CELF2: variants seen among roughly 807,000 people sequenced by gnomAD.
CELF2 encodes CUGBP Elav-like family member 2.
Under a neutral mutation model 62.6 loss-of-function variants are expected in CELF2, and 8 were observed. The ratio of observed to expected loss-of-function variants is 0.13; its 90% CI spans 0.07 to 0.23. The LOEUF (loss-of-function observed/expected upper bound fraction) is 0.23. Ranked by LOEUF, CELF2 falls within the 10% of genes least tolerant of loss-of-function variation. The probability of loss-of-function intolerance (pLI) is 1.00; values close to 1 mark genes in which losing one functional copy is unlikely to be tolerated. For missense variants in CELF2, 333 were observed against 671.0 expected (o/e 0.50, Z 5.56); for synonymous variants, 258 against 250.0 (o/e 1.03, Z -0.30).
the CELF2 span, chr10:10,788,844 G>C: frequency 6.6e-6 from 1 of 152,090 alleles, no homozygotes; most frequent in Non-Finnish European, 1.5e-5. Flanking sequence ...ATGCGTTTTT[G>C]TCTGGGCTGC....
chr10:10,552,190 G>A, the CELF2 span, among the ~76,000 whole-genome samples: 2 of 152,154 alleles, frequency 1.3e-5, no homozygotes, highest in Non-Finnish European at 2.9e-5. Flanking sequence ...TCTCCACACT[G>A]TAAAATAATG....
chr10:11,175,395 G>A (rs1175101470), intron 2 of CELF2, among the ~76,000 whole-genome samples: 2 of 152,182 alleles, frequency 1.3e-5, no homozygotes, highest in African/African-American at 4.8e-5. Flanking sequence ...AAAAAAGAGA[G>A]AATATGATTG....
At chr10:11,176,415 CT>C (rs1436862085) in intron 2 of CELF2, among the ~76,000 whole-genome samples, 1 of 152,166 alleles carries the variant, frequency 6.6e-6, no homozygotes, top group Non-Finnish European at 1.5e-5. Context: ...CTGCCAGCCC[CT>C]ACCTGATGGA....
At chr10:10,691,456 A>T in the CELF2 span, among the ~76,000 whole-genome samples, 4 of 145,772 alleles carry the variant, frequency 2.7e-5, no homozygotes, top group Non-Finnish European at 4.5e-5. Flanking sequence ...GAATAATGCC[A>T]CAATAAACAT....
chr10:11,253,954 A>C (rs533921259), intron 4 of CELF2, among the ~76,000 whole-genome samples: 1 of 152,310 alleles, frequency 6.6e-6, no homozygotes, highest in South Asian at 2.1e-4. Flanking sequence ...AATTCCTTAA[A>C]GCACCTAGCA....
chr10:11,111,833 TAGAA>T (rs1271952533), intron 1 of CELF2, among the ~76,000 whole-genome samples: 3 of 152,256 alleles, frequency 2.0e-5, no homozygotes. Context: ...TAATACGTCT[TAGAA>T]AGAGATTTCT....
chr10:10,551,881 T>C, the CELF2 span, among the ~76,000 whole-genome samples: 2 of 152,172 alleles, frequency 1.3e-5, no homozygotes, highest in Non-Finnish European at 2.9e-5. Context: ...GCATCTGAAC[T>C]CTTGATAAAC....
the CELF2 span, among the ~76,000 whole-genome samples, chr10:10,641,094 C>T: frequency 2.0e-5 from 3 of 152,120 alleles, no homozygotes; most frequent in Admixed American, 1.3e-4. Context: ...ACTTACTGAC[C>T]GTTCTGGATA....
the CELF2 span, among the ~76,000 whole-genome samples, chr10:10,581,987 C>T: frequency 1.3e-5 from 2 of 152,062 alleles, no homozygotes; most frequent in African/African-American, 4.8e-5. Flanking sequence ...GAGATCGTGC[C>T]ACTGCACTCC....
intron 1 of CELF2, chr10:11,031,002 T>C (rs1467456154): frequency 6.6e-6 from 1 of 152,228 alleles, no homozygotes. Context: ...ATGATAACGG[T>C]ATATTTTATG....
chr10:11,055,436 G>T (rs940815056), intron 1 of CELF2, among the ~76,000 whole-genome samples: 1 of 152,222 alleles, frequency 6.6e-6, no homozygotes, highest in Non-Finnish European at 1.5e-5. Context: ...TTGGCTGACC[G>T]AGTATCATTT....
chr10:10,711,030 C>T, the CELF2 span, among the ~76,000 whole-genome samples: 1 of 151,998 alleles, frequency 6.6e-6, no homozygotes, highest in Non-Finnish European at 1.5e-5. Flanking sequence ...ATATTTTGGT[C>T]CAGAGAATTG....
intron 1 of CELF2, among the ~76,000 whole-genome samples, chr10:10,880,740 A>C (rs530192234): frequency 4.2e-4 from 64 of 152,274 alleles, no homozygotes; most frequent in African/African-American, 1.4e-3. Context: ...AGTGGAAGCA[A>C]ATTTCTTGAA....
chr10:10,641,884 A>G, the CELF2 span, among the ~76,000 whole-genome samples: 2 of 152,192 alleles, frequency 1.3e-5, no homozygotes, highest in Non-Finnish European at 2.9e-5. Context: ...GGTTGCATTA[A>G]TTCCCCCTCC....
chr10:11,330,485 G>C lies in CELF2; in HGVS notation c.*1432G>C, dbSNP rs2095987550. ...CTTCATGCCCGTTAGTTCATCGTTTGCCTAGCATGTCCCTGTGGCGTCTCA... is the reference window on the plus strand; with the variant it reads ...CTTCATGCCCGTTAGTTCATCGTTTCCCTAGCATGTCCCTGTGGCGTCTCA... On this transcript the variant is annotated 3_prime_UTR_variant, in exon 13 of 13. Transcript: ENST00000633077. This position sits in a 1 kb window ranked among gnomAD's most constrained non-coding sequence, Gnocchi z 4.5. The C allele has an allele frequency of 6.6e-6, 1 of 152,354 alleles. No individual in the cohort carries two copies. Among genetic ancestry groups the C allele is most frequent in the African/African-American group, 2.4e-5 (1 of 41,342 alleles). 9.4% of individuals were successfully genotyped at this position (152,354 alleles called of 1,614,324 possible).
At chr10:10,498,476 C>A in the CELF2 span, among the ~76,000 whole-genome samples, 17 of 152,242 alleles carry the variant, frequency 1.1e-4, no homozygotes, top group African/African-American at 3.1e-4. Flanking sequence ...CAGAACTCTG[C>A]CAGTGGTTAA....
the CELF2 span, among the ~76,000 whole-genome samples, chr10:10,759,831 G>A: frequency 2.6e-3 from 389 of 152,252 alleles, 1 homozygote; most frequent in African/African-American, 8.9e-3. Context: ...ATACAGAGAA[G>A]ACAAATTATA....
intron 1 of CELF2, among the ~76,000 whole-genome samples, chr10:10,883,480 G>A (rs144574004): frequency 1.1e-4 from 17 of 152,250 alleles, no homozygotes; most frequent in South Asian, 2.1e-4. Flanking sequence ...TGTTGTCTAC[G>A]GAAACTGGCC....
chr10:10,766,858 T>A, the CELF2 span, among the ~76,000 whole-genome samples: 12 of 152,222 alleles, frequency 7.9e-5, no homozygotes, highest in Non-Finnish European at 1.8e-4. Context: ...TTGTACCCAC[T>A]CACACATGTC....
Sources: allele counts gnomAD v4.1 joint callset (sites outside exome capture counted in the v4.1 genomes callset), GRCh38; gene constraint gnomAD v4.1.1; non-coding constraint Gnocchi (gnomAD v3.1); transcripts MANE v1.5; gene names NCBI Gene and HGNC (gene_info 2026-07-23, HGNC 2026-07-21).